Variants in ANKFN1 observed in about 807,000 individuals in gnomAD.
ANKFN1 encodes ankyrin repeat and fibronectin type III domain containing 1, also known as ankyrin repeat and fibronectin type-III domain-containing protein 1.
In ANKFN1, 74 loss-of-function variants were observed where a neutral mutation model predicts 108.7. The observed-to-expected ratio is 0.68, with a 90% CI of 0.56 to 0.83. The LOEUF (loss-of-function observed/expected upper bound fraction) is 0.83, where lower values mean the gene tolerates loss of function less well. ANKFN1 is among the 40% of genes least tolerant of loss of function. The probability of loss-of-function intolerance (pLI) is 0.00; values close to 1 mark genes in which losing one functional copy is unlikely to be tolerated. For missense variants in ANKFN1, 1,505 were observed against 1,382.3 expected (o/e 1.09, Z -1.41); for synonymous variants, 547 against 516.2 (o/e 1.06, Z -0.81).
intron 9 of ANKFN1, among the ~76,000 whole-genome samples, chr17:56,441,075 G>T (rs1439081125): frequency 6.6e-6 from 1 of 151,898 alleles, no homozygotes; most frequent in Non-Finnish European, 1.5e-5. Flanking sequence ...CATATGAAAT[G>T]CAAAAAAAAT....
chr17:56,489,783 C>T (rs906287618), intron 18 of ANKFN1, among the ~76,000 whole-genome samples: 1 of 152,024 alleles, frequency 6.6e-6, no homozygotes, highest in Admixed American at 6.6e-5. Flanking sequence ...TCACTCTTGT[C>T]ACTTTCCAGC....
intron 4 of ANKFN1, among the ~76,000 whole-genome samples, chr17:56,344,839 C>A (rs1322907095): frequency 6.6e-6 from 1 of 151,942 alleles, no homozygotes; most frequent in Non-Finnish European, 1.5e-5. Context: ...TGCCCCCTTC[C>A]AGTGGCTGAC....
At chr17:56,140,584 C>T (rs1907860739) in intron 4 of ANKFN1, among the ~76,000 whole-genome samples, 1 of 152,166 alleles carries the variant, frequency 6.6e-6, no homozygotes, top group Non-Finnish European at 1.5e-5. Context: ...ACTCTGCCAC[C>T]TAGTAGCTGG....
intron 17 of ANKFN1, among the ~76,000 whole-genome samples, chr17:56,481,556 G>A (rs1370412668): frequency 6.6e-6 from 1 of 151,962 alleles, no homozygotes; most frequent in African/African-American, 2.4e-5. Flanking sequence ...TGTAAACTGG[G>A]AGACCATTAG....
intron 3 of ANKFN1, among the ~76,000 whole-genome samples, chr17:56,314,261 T>G (rs2045131949): frequency 6.6e-6 from 1 of 152,200 alleles, no homozygotes; most frequent in African/African-American, 2.4e-5. Context: ...CCGTGAGCAT[T>G]TATTTCTCTT....
intron 8 of ANKFN1, among the ~76,000 whole-genome samples, chr17:56,413,486 A>G (rs142368737): frequency 1.7e-3 from 265 of 152,284 alleles, no homozygotes; most frequent in African/African-American, 5.7e-3. Context: ...GACAGAGGGC[A>G]TCCTTGTCTT....
At chr17:56,295,343 C>T (rs192503403) in intron 3 of ANKFN1, among the ~76,000 whole-genome samples, 66 of 152,320 alleles carry the variant, frequency 4.3e-4, no homozygotes, top group Admixed American at 1.0e-3. Flanking sequence ...TCTCCAGAGT[C>T]AAGCCTTGGT....
At chr17:56,214,650 G>T (rs540261603) in intron 2 of ANKFN1, among the ~76,000 whole-genome samples, 56 of 152,058 alleles carry the variant, frequency 3.7e-4, no homozygotes, top group Non-Finnish European at 7.2e-4. Flanking sequence ...CTCTAACCTG[G>T]TTTCCACTCC....
chr17:56,176,307 C>G lies in ANKFN1; in HGVS notation c.-71+22777C>G, dbSNP rs186419227. Reference sequence around the variant, plus strand: ...GAGAGAGGGGAAATGGAGTTTAAAACCCCTGGTAAGGAATTTTTCCTTGGT... The same window carrying G: ...GAGAGAGGGGAAATGGAGTTTAAAAGCCCTGGTAAGGAATTTTTCCTTGGT... On this transcript the variant is annotated intron_variant, in intron 1 of 20. Coordinates refer to ENST00000682825, the MANE Select transcript of ANKFN1 (RefSeq NM_001370326.1). Among the ~76,000 whole-genome samples, 708 of 152,266 alleles carry G rather than the reference C, an allele frequency of 4.6e-3. 25 individuals are homozygous for G. The highest frequency in any genetic ancestry group is 0.04 in the Admixed American group (610 of 15,294).
chr17:56,372,539 A>AT (rs5821127), intron 6 of ANKFN1, 107 bp from the exon 7 acceptor site: 7,297 of 784,276 alleles, frequency 9.3e-3, no homozygotes, highest in South Asian at 0.015. Context: ...TTTCCCAGGC[A>AT]TTTTTTTTTT....
intron 2 of ANKFN1, among the ~76,000 whole-genome samples, chr17:56,219,341 G>A (rs1323997976): frequency 6.6e-6 from 1 of 151,936 alleles, no homozygotes; most frequent in Non-Finnish European, 1.5e-5. Context: ...CCGCCTCCTG[G>A]GAGCAAGTGA....
chr17:56,159,430 T>C (rs1039686073), intron 1 of ANKFN1, among the ~76,000 whole-genome samples: 2 of 152,248 alleles, frequency 1.3e-5, no homozygotes, highest in Non-Finnish European at 2.9e-5. Context: ...CCTGAGCAGA[T>C]AGTACTTCTG....
chr17:56,516,783 A>G lies in ANKFN1; in HGVS notation c.*5514A>G, dbSNP rs905293839. Among the ~76,000 whole-genome samples, 2 of 152,226 alleles carry G rather than the reference A, an allele frequency of 1.3e-5. No homozygotes were observed. Among genetic ancestry groups the G allele is most frequent in the East Asian group, 3.8e-4 (2 of 5,198 alleles). ...TCTTACCTGCCTAAGTGTATTTTCA[A>G]GAAAAATTGTCGACAGAAGAAATCT... On this transcript the variant is annotated 3_prime_UTR_variant, in exon 21 of 21. Transcript: ENST00000682825.
At chr17:56,187,080 C>A (rs1364425704) in intron 1 of ANKFN1, among the ~76,000 whole-genome samples, 1 of 152,148 alleles carries the variant, frequency 6.6e-6, no homozygotes, top group Non-Finnish European at 1.5e-5. Context: ...CCAAAATTGA[C>A]AAATGGGATC....
At chr17:56,193,843 C>T (rs1242474576) in intron 1 of ANKFN1, among the ~76,000 whole-genome samples, 1 of 152,142 alleles carries the variant, frequency 6.6e-6, no homozygotes, top group Non-Finnish European at 1.5e-5. Flanking sequence ...AAAAGACAAG[C>T]CACAGACTTG....
intron 3 of ANKFN1, among the ~76,000 whole-genome samples, chr17:56,268,766 G>A (rs1233642129): frequency 1.3e-5 from 2 of 151,982 alleles, no homozygotes; most frequent in Middle Eastern, 3.2e-3. Flanking sequence ...AGTTTCTCCA[G>A]GATGGAAATC....
intron 3 of ANKFN1, among the ~76,000 whole-genome samples, chr17:56,249,194 G>A (rs1328357406): frequency 6.6e-6 from 1 of 152,132 alleles, no homozygotes; most frequent in Non-Finnish European, 1.5e-5. Flanking sequence ...CAGCACTTTG[G>A]GAGGCCGAGG....
intron 8 of ANKFN1, among the ~76,000 whole-genome samples, chr17:56,379,093 G>C (rs1428528014): frequency 6.6e-6 from 1 of 152,014 alleles, no homozygotes; most frequent in Non-Finnish European, 1.5e-5. Context: ...ATATTGTGTA[G>C]GAATATATAC....
chr17:56,510,849 C>G lies in ANKFN1; in HGVS notation c.3021C>G (p.His1007Gln), dbSNP rs1464566564. ...LGKRKPGKHP[H>Q]YGGFSRHHRW... Reference sequence around the variant, plus strand: ...AGCGGAAGCCAGGCAAGCACCCCCACTATGGCGGCTTCAGCCGCCATCATC... The same window carrying G: ...AGCGGAAGCCAGGCAAGCACCCCCAGTATGGCGGCTTCAGCCGCCATCATC... The change falls in exon 21 of 21, where the codon CAC becomes CAG. Residue 1007 changes from histidine (H) to glutamine (Q), a missense_variant. Coordinates refer to ENST00000682825, the MANE Select transcript of ANKFN1 (RefSeq NM_001370326.1). 4 of 1,536,160 alleles carry G rather than the reference C, an allele frequency of 2.6e-6. No homozygotes were observed. In the South Asian group the frequency reaches 3.6e-5, roughly 14 times the overall value.
Sources: gnomAD v4.1 joint callset for allele counts (sites outside exome capture counted in the v4.1 genomes callset) on GRCh38, gnomAD v4.1.1 for gene constraint, MANE v1.5 for transcripts, NCBI Gene and HGNC (gene_info 2026-07-23, HGNC 2026-07-21) for gene names.